Variants in CNTN1 observed in about 807,000 individuals in gnomAD.
The protein encoded by CNTN1 is contactin-1.
CNTN1 carries 38 observed loss-of-function variants against 126.4 expected under a neutral mutation model. The ratio of observed to expected loss-of-function variants is 0.30; its 90% CI spans 0.23 to 0.39. The LOEUF is 0.39. CNTN1 is among the 10% of genes least tolerant of loss of function. The pLI is 1.00. For missense variants in CNTN1, 1,009 were observed against 1,248.4 expected, an observed-to-expected ratio of 0.81 and a Z score of 2.89; for synonymous variants, 413 against 422.6, an observed-to-expected ratio of 0.98 and a Z score of 0.28.
At chr12:40,879,076 AGATT>A (rs956189308) in intron 1 of CNTN1, among the ~76,000 whole-genome samples, 1 of 152,332 alleles carries the variant, frequency 6.6e-6, no homozygotes, top group East Asian at 1.9e-4. Flanking sequence ...GTTTATTCAG[AGATT>A]GATTAACAGG....
chr12:40,929,808 A>G lies in CNTN1; in HGVS notation c.509A>G (p.Tyr170Cys). The part of the protein sequence containing the change: ...PPYHFPDDLS[Y>C]RWLLNEFPVF... ...TATTTTCTCCTAGATGATCTTAGCT[A>G]TCGCTGGCTTCTAAATGAATTTCCT... The change falls in exon 7 of 24, where the codon TAT becomes TGT. Residue 170 changes from tyrosine to cysteine, a missense_variant. Coordinates refer to ENST00000551295, the MANE Select transcript of CNTN1 (RefSeq NM_001843.4). The G allele has an allele frequency of 6.2e-7, 1 of 1,611,666 alleles. No homozygotes were observed. The highest frequency in any genetic ancestry group is 8.5e-7 in the Non-Finnish European group (1 of 1,178,394).
chr12:41,060,682 G>A (rs189334852), intron 23 of CNTN1, among the ~76,000 whole-genome samples: 2 of 152,196 alleles, frequency 1.3e-5, no homozygotes, highest in East Asian at 3.9e-4. Flanking sequence ...ACTGGCTCTG[G>A]TTGTTGGTTA....
rs1469938560 is a variant in CNTN1, at chr12:41,071,532, TACTTTACCG to T, written c.*1506_*1514del. ...ACAGGAAGCAAAATAGATCTATTAC[TACTTTACCG>T]ACTTTACCCCCTTTCTTTAATTTGT... On this transcript the variant is annotated 3_prime_UTR_variant, in exon 24 of 24. Transcript: ENST00000551295. 1.3e-5 allele frequency: 2 copies of T among 152,220 alleles called. No individual in the cohort carries two copies. Among genetic ancestry groups the T allele is most frequent in the African/African-American group, 2.4e-5 (1 of 41,468 alleles). The allele number at this position is 152,220 out of a possible 1,614,324, so 9.4% of individuals were successfully genotyped here. A position where few individuals can be genotyped will look rare whatever the true frequency, so the allele number is the denominator to read the frequency against.
At chr12:40,830,962 T>TATATACAC (rs1405165659) in intron 1 of CNTN1, among the ~76,000 whole-genome samples, 4 of 128,796 alleles carry the variant, frequency 3.1e-5, no homozygotes, top group Non-Finnish European at 6.5e-5. Flanking sequence ...TATATATATA[T>TATATACAC]ACACACACAC....
intron 1 of CNTN1, among the ~76,000 whole-genome samples, chr12:40,854,603 G>A (rs988101356): frequency 6.6e-6 from 1 of 152,124 alleles, no homozygotes; most frequent in African/African-American, 2.4e-5. Context: ...AAAATATGAG[G>A]ATTTAAGGAG....
intron 1 of CNTN1, among the ~76,000 whole-genome samples, chr12:40,772,549 T>G (rs1939384223): frequency 6.6e-6 from 1 of 151,982 alleles, no homozygotes; most frequent in East Asian, 1.9e-4. Context: ...CCTGTACAAT[T>G]TTTGCCATGT....
chr12:40,928,852 A>G (rs989556575), intron 6 of CNTN1, among the ~76,000 whole-genome samples: 2 of 152,046 alleles, frequency 1.3e-5, no homozygotes, highest in South Asian at 4.1e-4. Context: ...ATTTGTCATG[A>G]TTATTCATCT....
chr12:40,780,023 T>TGGAC (rs1319480303), intron 1 of CNTN1, among the ~76,000 whole-genome samples: 1 of 151,958 alleles, frequency 6.6e-6, no homozygotes, highest in Non-Finnish European at 1.5e-5. Context: ...TAAGATCTTC[T>TGGAC]GGACCACGTG....
At chr12:40,693,128 T>A (rs1941346207) in intron 1 of CNTN1, among the ~76,000 whole-genome samples, 1 of 152,162 alleles carries the variant, frequency 6.6e-6, no homozygotes, top group Non-Finnish European at 1.5e-5. Flanking sequence ...TGTTAAGATC[T>A]AGCTCCCTTC....
intron 1 of CNTN1, among the ~76,000 whole-genome samples, chr12:40,878,668 G>C (rs897031358): frequency 3.3e-5 from 5 of 152,134 alleles, no homozygotes; most frequent in Non-Finnish European, 7.4e-5. Context: ...TCCATTTTCT[G>C]ATCCCTCTTA....
intron 12 of CNTN1, 116 bp downstream of exon 12, chr12:40,939,601 A>G: frequency 8.9e-7 from 1 of 1,125,450 alleles, no homozygotes; most frequent in South Asian, 1.4e-5. Flanking sequence ...TTTTTTTTTC[A>G]CAGAAGATCC....
intron 1 of CNTN1, chr12:40,729,769 CT>C (rs1942446872): frequency 9.4e-6 from 2 of 213,242 alleles, no homozygotes; most frequent in African/African-American, 2.3e-5. Context: ...AGGATGAATC[CT>C]AGCCAGAAGG....
At chr12:40,920,407 G>T (rs1369687824) in intron 4 of CNTN1, among the ~76,000 whole-genome samples, 5 of 151,926 alleles carry the variant, frequency 3.3e-5, no homozygotes, top group African/African-American at 9.7e-5. Context: ...CCCACTTTGA[G>T]TTTGGCCTGG....
chr12:40,878,548 A>G (rs1943758671), intron 1 of CNTN1, among the ~76,000 whole-genome samples: 1 of 152,216 alleles, frequency 6.6e-6, no homozygotes, highest in South Asian at 2.1e-4. Context: ...GGAAAAGTTT[A>G]GACAAAAATG....
intron 4 of CNTN1, among the ~76,000 whole-genome samples, chr12:40,920,668 A>G (rs73275677): frequency 0.088 from 13,390 of 152,232 alleles, 724 homozygotes; most frequent in African/African-American, 0.14. Context: ...TATTTGTAGC[A>G]TGTTCTGGGA....
intron 1 of CNTN1, among the ~76,000 whole-genome samples, chr12:40,700,101 T>C (rs1941556627): frequency 6.6e-6 from 1 of 152,192 alleles, no homozygotes; most frequent in Non-Finnish European, 1.5e-5. Flanking sequence ...ACTTGATCAT[T>C]TAGAACACAC....
chr12:40,832,747 CT>C (rs1000695309), intron 1 of CNTN1, among the ~76,000 whole-genome samples: 3 of 152,130 alleles, frequency 2.0e-5, no homozygotes, highest in African/African-American at 7.2e-5. Context: ...CAACTTGCCC[CT>C]GAGTACATTT....
At chr12:41,044,004 T>TG (rs1222572878) in intron 23 of CNTN1, among the ~76,000 whole-genome samples, 1 of 47,336 alleles carries the variant, frequency 2.1e-5, no homozygotes, top group East Asian at 7.8e-4. Context: ...TGTTGTGGGG[T>TG]GGGGGGAGGG....
intron 7 of CNTN1, among the ~76,000 whole-genome samples, chr12:40,930,713 T>G (rs1565974952): frequency 6.6e-6 from 1 of 152,022 alleles, no homozygotes; most frequent in South Asian, 2.1e-4. Context: ...CAGCTTCAGA[T>G]TAACAGATTT....
Sources: allele counts gnomAD v4.1 joint callset (sites outside exome capture counted in the v4.1 genomes callset), GRCh38; gene constraint gnomAD v4.1.1; transcripts MANE v1.5; gene names NCBI Gene and HGNC (gene_info 2026-07-23, HGNC 2026-07-21).